Variants in ELAVL4 observed in about 807,000 individuals in gnomAD.
ELAVL4 encodes ELAV-like protein 4.
A neutral mutation model predicts 35.6 loss-of-function variants in ELAVL4; 1 was observed. That is an observed-to-expected ratio of 0.03 (90% confidence interval 0.01 to 0.13). The LOEUF (loss-of-function observed/expected upper bound fraction) is 0.13, where lower values mean the gene tolerates loss of function less well. Among genes scored for constraint, ELAVL4 ranks in the 10% least tolerant of loss-of-function variants. The pLI is 1.00. For synonymous variants in ELAVL4, 156 were observed against 171.0 expected, an observed-to-expected ratio of 0.91 and a Z score of 0.69; for missense variants, 267 against 464.9, an observed-to-expected ratio of 0.57 and a Z score of 3.91.
chr1:50,194,622 C>T (rs543951775), intron 4 of ELAVL4, among the ~76,000 whole-genome samples: 1 of 152,294 alleles, frequency 6.6e-6, no homozygotes, highest in African/African-American at 2.4e-5. Context: ...CTGCCCTAGA[C>T]ATTGTGCAGA....
intron 1 of ELAVL4, among the ~76,000 whole-genome samples, chr1:50,079,966 G>A (rs138989601): frequency 2.3e-3 from 345 of 152,122 alleles, no homozygotes; most frequent in African/African-American, 7.9e-3. Context: ...TTAAACGTGC[G>A]TATGCCATCC....
At chr1:50,048,274 TC>T in intron 1 of ELAVL4, 1 of 1,382,290 alleles carries the variant, frequency 7.2e-7, no homozygotes, top group Non-Finnish European at 9.4e-7. Context: ...GACTGGCTTC[TC>T]CCAGCGGCCA....
chr1:50,048,742 C>A (rs995514221), intron 1 of ELAVL4, among the ~76,000 whole-genome samples: 7 of 152,180 alleles, frequency 4.6e-5, no homozygotes, highest in African/African-American at 1.7e-4. Flanking sequence ...TATTACACCC[C>A]GCTGTGGACC....
intron 1 of ELAVL4, among the ~76,000 whole-genome samples, chr1:50,132,139 T>C (rs983333092): frequency 3.9e-5 from 6 of 152,174 alleles, no homozygotes; most frequent in African/African-American, 1.4e-4. Flanking sequence ...TTGTTCATGA[T>C]ATTTTTAATC....
chr1:50,106,296 C>A (rs763684060), upstream of ELAVL4: 2 of 1,611,936 alleles, frequency 1.2e-6, no homozygotes, highest in South Asian at 1.1e-5. Flanking sequence ...TATCTGCAAC[C>A]TTTGGGATGT....
At chr1:50,110,541 C>T (rs143782342) in intron 1 of ELAVL4, among the ~76,000 whole-genome samples, 1 of 152,124 alleles carries the variant, frequency 6.6e-6, no homozygotes, top group Non-Finnish European at 1.5e-5. Context: ...CCTTGAGTGC[C>T]GCTTCTGTCG....
In ELAVL4 at chr1:50,195,792, C is replaced by T. The variant is rs755090675; in HGVS notation, c.734+6C>T. The T allele has an allele frequency of 6.2e-7, 1 of 1,613,906 alleles. No individual in the cohort carries two copies. Among genetic ancestry groups the T allele is most frequent in the Admixed American group, 1.7e-5 (1 of 60,018 alleles). Reference sequence around the variant, plus strand: ...CACCAGGCTCAGAGGTTCAGGTAGGCATGCCCAAAGAGGAAGAAGCCCTGC... The same window carrying T: ...CACCAGGCTCAGAGGTTCAGGTAGGTATGCCCAAAGAGGAAGAAGCCCTGC... On this transcript the variant is annotated splice_donor_region_variant and intron_variant, in intron 5 of 6. Transcript: ENST00000371824.
At chr1:50,100,394 G>T (rs527608964), upstream of ELAVL4, among the ~76,000 whole-genome samples, 1 of 152,262 alleles carries the variant, frequency 6.6e-6, no homozygotes, top group South Asian at 2.1e-4. Flanking sequence ...CTTCATAGGG[G>T]TTCTGGCTAG....
intron 1 of ELAVL4, among the ~76,000 whole-genome samples, chr1:50,112,089 T>C (rs1273099586): frequency 6.6e-6 from 1 of 152,146 alleles, no homozygotes; most frequent in Non-Finnish European, 1.5e-5. Flanking sequence ...AATTCTTTTT[T>C]CCTTGCAGAT....
At chr1:50,175,804 G>T (rs553893212) in intron 2 of ELAVL4, 1 of 152,258 alleles carries the variant, frequency 6.6e-6, no homozygotes, top group South Asian at 2.1e-4. Context: ...AGATTTTTTG[G>T]CCGCTGAAAT....
chr1:50,098,786 T>C (rs982107714), intron 1 of ELAVL4, among the ~76,000 whole-genome samples: 1 of 152,250 alleles, frequency 6.6e-6, no homozygotes, highest in Non-Finnish European at 1.5e-5. Context: ...GACAGTTATA[T>C]AGCATGCCTC....
intron 1 of ELAVL4, among the ~76,000 whole-genome samples, chr1:50,133,599 AAAAGAAAGAAAGAAAGAAAGAAAG>A (rs56304409): frequency 7.0e-4 from 90 of 129,262 alleles, no homozygotes; most frequent in Middle Eastern, 4.1e-3. Context: ...AGAAAGAAAG[AAAAGAAAGAAAGAAAGAAAGAAAG>A]AAAGAAAGAA....
intron 1 of ELAVL4, among the ~76,000 whole-genome samples, chr1:50,069,657 A>G (rs1459954398): frequency 6.6e-6 from 1 of 152,180 alleles, no homozygotes; most frequent in Non-Finnish European, 1.5e-5. Context: ...CCTTGAATCA[A>G]CGTCTGGGGT....
Position 50,197,487 on chromosome 1 carries a change from T to A in ELAVL4, c.773+20T>A, listed in dbSNP as rs1462466711. The A allele has an allele frequency of 1.9e-6, 3 of 1,561,704 alleles. No homozygotes were observed. Among genetic ancestry groups the A allele is most frequent in the Non-Finnish European group, 2.6e-6 (3 of 1,158,024 alleles). ...AAAGAGGTAATTAAAACTCCACAGA[T>A]TGCCAGATGTCCATGTTGGCACAGA... On this transcript the variant is annotated intron_variant, in intron 6 of 6. Transcript: ENST00000371824.
chr1:50,146,707 A>C (rs1483120507), intron 2 of ELAVL4, among the ~76,000 whole-genome samples: 1 of 152,194 alleles, frequency 6.6e-6, no homozygotes, highest in African/African-American at 2.4e-5. Flanking sequence ...TTTATATAAT[A>C]GGATGATAAT....
At chr1:50,198,752 G>A (rs1255002125) in intron 6 of ELAVL4, among the ~76,000 whole-genome samples, 1 of 152,146 alleles carries the variant, frequency 6.6e-6, no homozygotes, top group African/African-American at 2.4e-5. Flanking sequence ...GCTGTAGTAG[G>A]CCTGCCACCA....
intron 1 of ELAVL4, among the ~76,000 whole-genome samples, chr1:50,049,734 G>A (rs1469587402): frequency 6.6e-6 from 1 of 152,164 alleles, no homozygotes; most frequent in African/African-American, 2.4e-5. Flanking sequence ...TGGGGCCGAT[G>A]GGGTTGTGAC....
intron 3 of ELAVL4, among the ~76,000 whole-genome samples, chr1:50,185,824 T>C (rs1681736943): frequency 6.6e-6 from 1 of 152,102 alleles, no homozygotes; most frequent in Non-Finnish European, 1.5e-5. Context: ...ATAAAAAGCT[T>C]TGTATAGGGG....
chr1:50,095,034 T>G (rs917134160), intron 1 of ELAVL4, among the ~76,000 whole-genome samples: 1 of 152,196 alleles, frequency 6.6e-6, no homozygotes, highest in Non-Finnish European at 1.5e-5. Context: ...TTATCCTGTA[T>G]GCTTGGGAGG....
Sources: allele counts gnomAD v4.1 joint callset (sites outside exome capture counted in the v4.1 genomes callset), GRCh38; gene constraint gnomAD v4.1.1; transcripts MANE v1.5; gene names NCBI Gene and HGNC (gene_info 2026-07-23, HGNC 2026-07-21).